The following TAB1 variants were observed in gnomAD, a reference collection of about 807,000 sequenced individuals.
TAB1 encodes TGF-beta-activated kinase 1 and MAP3K7-binding protein 1.
Under a neutral mutation model 54.5 loss-of-function variants are expected in TAB1, and 30 were observed. That is an observed-to-expected ratio of 0.55 (90% CI 0.41 to 0.75). The LOEUF (loss-of-function observed/expected upper bound fraction) is 0.75. Among genes scored for constraint, TAB1 ranks in the 30% least tolerant of loss-of-function variants. TAB1 has a pLI of 0.00. For synonymous variants in TAB1, 289 were observed against 286.9 expected (o/e 1.01, Z -0.07); for missense variants, 609 against 683.2 (o/e 0.89, Z 1.21).
Position 39,415,519 on chromosome 22 carries a change from C to T in TAB1, c.190C>T (p.Leu64=). 6.2e-7 allele frequency: 1 copy of T among 1,614,178 alleles called. No individual in the cohort carries two copies. The highest frequency in any genetic ancestry group is 8.5e-7 in the Non-Finnish European group (1 of 1,179,978). ...LKFRSENNCF[L]YGVFNGYDGN... is the part of the protein sequence containing the mutation. ...TTCCAGGAGTGAGAACAACTGCTTC[C>T]TGTATGGGGTCTTCAACGGCTATGA... The change falls in exon 3 of 11, where the codon CTG becomes TTG. Residue 64 remains leucine, a synonymous_variant. Transcript: ENST00000216160. The surrounding 1 kb of genome is among the most constrained non-coding windows in gnomAD (Gnocchi z 4.9).
intron 1 of TAB1, among the ~76,000 whole-genome samples, chr22:39,408,451 CTTGT>C (rs1926466077): frequency 6.6e-6 from 1 of 152,306 alleles, no homozygotes; most frequent in South Asian, 2.1e-4. Context: ...CCTGTTTGAG[CTTGT>C]TTCTTTCTTT....
At chr22:39,425,714 T>C (rs914154525) in intron 8 of TAB1, among the ~76,000 whole-genome samples, 111 of 150,122 alleles carry the variant, frequency 7.4e-4, no homozygotes, top group African/African-American at 2.6e-3. Flanking sequence ...GCCCGGCTAA[T>C]TTTTTGTATT....
In TAB1 at chr22:39,415,091, A is replaced by G. The variant is rs746218000; in HGVS notation, c.119A>G (p.Asp40Gly). 1.1e-5 allele frequency: 17 copies of G among 1,612,274 alleles called. No individual in the cohort carries two copies. In the Admixed American group the frequency reaches 2.3e-4, roughly 22 times the overall value. Residue 40 changes from aspartate (D) to glycine (G), a missense_variant, in exon 2 of 11, where the codon GAT (aspartate) becomes GGT (glycine). Physicochemically the swap from Asp to Gly is moderately conservative, Grantham distance 94. Transcript: ENST00000216160. The surrounding 1 kb of genome is among the most constrained non-coding windows in gnomAD (Gnocchi z 4.9). Reference protein sequence around the residue: ...GSASNRSYSADGKGTESHPPE... With the variant: ...GSASNRSYSAGGKGTESHPPE... ...GCCTCCAACCGCAGCTACTCTGCTG[A>G]TGGCAAGGGCACTGAGAGCCACCCG...
At chr22:39,420,421 C>T (rs1416899515) in intron 7 of TAB1, among the ~76,000 whole-genome samples, 1 of 152,146 alleles carries the variant, frequency 6.6e-6, no homozygotes, top group East Asian at 1.9e-4. Context: ...TAGGCGCGTC[C>T]ACTTGCCTGA....
chr22:39,422,510 G>C (rs1569200058), intron 8 of TAB1, among the ~76,000 whole-genome samples: 1 of 144,240 alleles, frequency 6.9e-6, no homozygotes, highest in Non-Finnish European at 1.5e-5. Context: ...CCGGGTTCAA[G>C]CAGTTCTCTG....
Position 39,417,347 on chromosome 22 carries a change from A to G in TAB1, c.412-364A>G, listed in dbSNP as rs544569159. Among the ~76,000 whole-genome samples the G allele has an allele frequency of 3.9e-5, 6 of 152,276 alleles. No individual in the cohort carries two copies. The East Asian group carries it at 5.8e-4, about 15-fold the overall frequency. On this transcript the variant is annotated intron_variant, in intron 4 of 10. Transcript: ENST00000216160. ...TCTTAAGAGCAAAGGGAGGCCGGGC[A>G]TGGTGGCTCACGCCTGTAATCCCAG...
At chr22:39,406,310 A>G (rs1926360892) in intron 1 of TAB1, among the ~76,000 whole-genome samples, 1 of 151,084 alleles carries the variant, frequency 6.6e-6, no homozygotes, top group Non-Finnish European at 1.5e-5. Context: ...GAGGCAGAGA[A>G]TTGCTTAAAC....
Position 39,431,454 on chromosome 22 carries a change from T to A in TAB1, c.*1232T>A. On this transcript the variant is annotated 3_prime_UTR_variant, in exon 11 of 11. Coordinates refer to ENST00000216160, the MANE Select transcript of TAB1 (RefSeq NM_006116.3). ...AGGACCCCCCGGATTCTCCACGCCC[T>A]CCCCATCTCCCAGTCTCCCTGCCCC... The A allele has an allele frequency of 1.0e-6, 1 of 985,560 alleles. No individual in the cohort carries two copies. The highest frequency in any genetic ancestry group is 1.2e-6 in the Non-Finnish European group (1 of 830,072). The allele number at this position is 985,560 out of a possible 1,614,324, so 61.1% of individuals were successfully genotyped here.
chr22:39,418,867 G>T, intron 6 of TAB1, 22 bp downstream of exon 6: 1 of 1,581,516 alleles, frequency 6.3e-7, no homozygotes, highest in South Asian at 1.1e-5. Context: ...GAGTGGGAGC[G>T]GAAGCTGATC....
intron 1 of TAB1, among the ~76,000 whole-genome samples, chr22:39,400,957 A>G (rs140315598): frequency 6.7e-6 from 1 of 150,040 alleles, no homozygotes; most frequent in African/African-American, 2.5e-5. Context: ...TAGCTTGAAC[A>G]CAGGAGGCGG....
intron 1 of TAB1, among the ~76,000 whole-genome samples, chr22:39,413,151 T>C (rs980070766): frequency 4.6e-5 from 7 of 152,038 alleles, no homozygotes; most frequent in African/African-American, 1.4e-4. Context: ...TCTGACCTCA[T>C]GATCCACCTG....
downstream of TAB1, chr22:39,436,707 C>T (rs985715707): frequency 1.2e-5 from 8 of 672,432 alleles, no homozygotes; most frequent in South Asian, 1.2e-4. Context: ...GGGCAGACCC[C>T]CTCCCTCATG....
downstream of TAB1, chr22:39,436,783 A>G: frequency 1.7e-6 from 1 of 580,564 alleles, no homozygotes; most frequent in Non-Finnish European, 3.1e-6. Context: ...GCTCACTCTC[A>G]TCTTCTTTCC....
rs998065128 is a variant in TAB1 at position 39,417,652 on chromosome 22, A to G, written c.412-59A>G. 3.4e-6 allele frequency: 5 copies of G among 1,458,928 alleles called. No homozygotes were observed. In the African/African-American group the frequency reaches 4.4e-5, roughly 13 times the overall value. 90.4% of individuals were successfully genotyped at this position (1,458,928 alleles called of 1,614,324 possible). On this transcript the variant is annotated intron_variant, in intron 4 of 10. Transcript: ENST00000216160. ...AAAAAAAAGAGTAAAGGGAGTGGAG[A>G]GGGCTAGGAAGATGGTCCAGAGTTC...
intron 10 of TAB1, 45 bp downstream of exon 10, chr22:39,428,228 G>A (rs763744610): frequency 2.4e-5 from 33 of 1,359,764 alleles, no homozygotes; most frequent in South Asian, 2.4e-4. Flanking sequence ...TGTCACCCCC[G>A]TGTGTGTCCT....
At chr22:39,404,002 A>G (rs1002784755) in intron 1 of TAB1, among the ~76,000 whole-genome samples, 3 of 151,752 alleles carry the variant, frequency 2.0e-5, no homozygotes, top group Non-Finnish European at 4.4e-5. Context: ...CTCCTAAGAG[A>G]CTCCTAGAGT....
chr22:39,417,342 C>T (rs903560308), intron 4 of TAB1, among the ~76,000 whole-genome samples: 2 of 152,174 alleles, frequency 1.3e-5, no homozygotes, highest in Non-Finnish European at 2.9e-5. Flanking sequence ...AAAGGGAGGC[C>T]GGGCATGGTG....
chr22:39,424,119 G>A lies in TAB1; in HGVS notation c.921+2148G>A, dbSNP rs150785594. Among the ~76,000 whole-genome samples, 13 of 152,308 alleles carry A rather than the reference G, an allele frequency of 8.5e-5. 1 individual carries two copies. Among genetic ancestry groups the A allele is most frequent in the African/African-American group, 2.9e-4 (12 of 41,572 alleles). ...ACATAGTTTGTGGTTTTCCACTCCT[G>A]TGTTACTTAGAATAATGGCCTTCAT... On this transcript the variant is annotated intron_variant, in intron 8 of 10. Transcript: ENST00000216160.
Position 39,415,690 on chromosome 22 carries a change from C to A in TAB1, c.324+37C>A. 6.3e-7 allele frequency: 1 copy of A among 1,590,782 alleles called. No homozygotes were observed. The highest frequency in any genetic ancestry group is 1.1e-5 in the South Asian group (1 of 90,138). ...GGGGCCAACAGTGACCCAGCCACAT[C>A]ATGTCCCCCACCCCAAGGCTTGGGC... On this transcript the variant is annotated intron_variant, in intron 3 of 10. Coordinates refer to ENST00000216160, the MANE Select transcript of TAB1 (RefSeq NM_006116.3). This position sits in a 1 kb window ranked among gnomAD's most constrained non-coding sequence, Gnocchi z 4.9.
Sources: gnomAD v4.1 joint callset for allele counts (sites outside exome capture counted in the v4.1 genomes callset) on GRCh38, gnomAD v4.1.1 for gene constraint, Gnocchi (gnomAD v3.1) non-coding constraint, MANE v1.5 for transcripts, NCBI Gene and HGNC (gene_info 2026-07-23, HGNC 2026-07-21) for gene names.